RPRD2: variants seen among roughly 807,000 people sequenced by gnomAD.
RPRD2 encodes the protein regulation of nuclear pre-mRNA domain-containing protein 2.
A neutral mutation model predicts 104.4 loss-of-function variants in RPRD2; 12 were observed. That is an observed-to-expected ratio of 0.11 (90% confidence interval 0.07 to 0.19). RPRD2 has a LOEUF of 0.19. Ranked by LOEUF, RPRD2 falls within the 10% of genes least tolerant of loss-of-function variation. The pLI is 1.00. For synonymous variants in RPRD2, 714 were observed against 684.9 expected (o/e 1.04, Z -0.66); for missense variants, 1,543 against 1,790.1 (o/e 0.86, Z 2.49).
intron 10 of RPRD2, among the ~76,000 whole-genome samples, chr1:150,466,175 G>A (rs886379951): frequency 2.0e-5 from 3 of 151,616 alleles, no homozygotes; most frequent in Non-Finnish European, 4.4e-5. Context: ...TCAGGAGATC[G>A]ATACCATCCT....
chr1:150,443,780 C>T (rs138337282), intron 5 of RPRD2, among the ~76,000 whole-genome samples: 2,089 of 151,362 alleles, frequency 0.014, 53 homozygotes, highest in African/African-American at 0.048. Flanking sequence ...CCGAGGTGGG[C>T]GGATCACGAG....
rs200940944 is a variant in RPRD2 at position 150,395,148 on chromosome 1, AC to A, written c.206-22443del. Among the ~76,000 whole-genome samples, 256 of 151,442 alleles carry A rather than the reference AC, an allele frequency of 1.7e-3. 7 individuals are homozygous for A. In the East Asian group the frequency reaches 0.045, roughly 27 times the overall value. On this transcript the variant is annotated intron_variant, in intron 1 of 10. Coordinates refer to ENST00000369068, the MANE Select transcript of RPRD2 (RefSeq NM_015203.5). ...CCCAATTTGTGGTCTTTTATCCCTC[AC>A]CCCCTTCCCACTCTTTCCTCCTGAG...
chr1:150,392,164 C>T (rs587712640), intron 1 of RPRD2, among the ~76,000 whole-genome samples: 6 of 150,786 alleles, frequency 4.0e-5, no homozygotes, highest in South Asian at 2.1e-4. Flanking sequence ...CCAGCCTGGG[C>T]GACAGAGCAA....
intron 7 of RPRD2, among the ~76,000 whole-genome samples, chr1:150,456,445 C>A (rs1667529686): frequency 6.6e-6 from 1 of 151,942 alleles, no homozygotes; most frequent in Admixed American, 6.6e-5. Context: ...CAGCAATGTA[C>A]GTGATTAATA....
chr1:150,420,709 C>A (rs1358373649), intron 2 of RPRD2, among the ~76,000 whole-genome samples: 1 of 152,062 alleles, frequency 6.6e-6, no homozygotes, highest in Non-Finnish European at 1.5e-5. Flanking sequence ...ACCTGTAATC[C>A]CAGCTACTCG....
chr1:150,461,090 A>G (rs782740791), intron 9 of RPRD2, among the ~76,000 whole-genome samples: 5 of 152,064 alleles, frequency 3.3e-5, no homozygotes, highest in South Asian at 2.1e-4. Flanking sequence ...GAAAATAAGC[A>G]AAGAGAATGA....
At chr1:150,430,851 C>T (rs1009012062) in intron 2 of RPRD2, among the ~76,000 whole-genome samples, 38 of 151,910 alleles carry the variant, frequency 2.5e-4, no homozygotes, top group African/African-American at 8.7e-4. Flanking sequence ...TCGCTTGAAC[C>T]GAGAGGTGGA....
At chr1:150,394,029 T>TG (rs1553883700) in intron 1 of RPRD2, among the ~76,000 whole-genome samples, 1 of 152,076 alleles carries the variant, frequency 6.6e-6, no homozygotes, top group Non-Finnish European at 1.5e-5. Context: ...ATTAATGTTT[T>TG]TTGTTGTTGT....
At chr1:150,458,151 A>G (rs980889138) in intron 8 of RPRD2, among the ~76,000 whole-genome samples, 29 of 152,104 alleles carry the variant, frequency 1.9e-4, no homozygotes, top group African/African-American at 6.3e-4. Context: ...GAGATGTGCT[A>G]TAAGTATAAA....
At chr1:150,379,483 G>C (rs1553880299) in intron 1 of RPRD2, among the ~76,000 whole-genome samples, 1 of 151,404 alleles carries the variant, frequency 6.6e-6, no homozygotes, top group Non-Finnish European at 1.5e-5. Flanking sequence ...GCTCACTGCA[G>C]CCTCCGCCTC....
At chr1:150,446,426 A>T (rs1553895516) in intron 7 of RPRD2, 25 bp downstream of exon 7, 1 of 1,522,152 alleles carries the variant, frequency 6.6e-7, no homozygotes, top group South Asian at 1.2e-5. Context: ...AAGCTGTCTT[A>T]TACTGAATGC....
In RPRD2 at chr1:150,364,767, C is replaced by A; in HGVS notation, c.53C>A (p.Ser18Tyr). The A allele has an allele frequency of 6.2e-7, 1 of 1,608,672 alleles. No individual in the cohort carries two copies. The highest frequency in any genetic ancestry group is 2.2e-5 in the East Asian group (1 of 44,780). Reference protein sequence around the residue: ...GSSKASSSSASSAGALESSLD... With the variant: ...GSSKASSSSAYSAGALESSLD... ...AGTAAGGCCTCCTCCTCGTCGGCCT[C>A]TTCGGCAGGGGCTCTGGAGTCCTCG... The change falls in exon 1 of 11, where the codon TCT becomes TAT. Residue 18 changes from serine (S) to tyrosine (Y), a missense_variant. Ser to Tyr is a moderately radical substitution (Grantham distance 144). Coordinates refer to ENST00000369068, the MANE Select transcript of RPRD2 (RefSeq NM_015203.5).
At position 150,472,738 on chromosome 1, in the gene RPRD2, G is replaced by A. The variant is rs1394644667; in HGVS notation, c.3790G>A (p.Gly1264Arg). The A allele has an allele frequency of 6.2e-7, 1 of 1,613,130 alleles. No homozygotes were observed. The highest frequency in any genetic ancestry group is 1.1e-5 in the South Asian group (1 of 91,042). The change falls in exon 11 of 11, where the codon GGA (glycine) becomes AGA (arginine). Residue 1264 changes from glycine to arginine, a missense_variant. Around this residue, in one of 4 missense-constraint regions of RPRD2, gnomAD observed 880 missense variants for 885.6 expected, o/e 0.99. Transcript: ENST00000369068. The part of the protein sequence containing the change: ...APPPPPGEHS[G>R]IPFPTPPPPP... ...ACCCCCTCCTCCTGGAGAGCACAGT[G>A]GAATTCCTTTCCCTACCCCACCTCC...
At chr1:150,469,228 A>G (rs1668463039) in intron 10 of RPRD2, among the ~76,000 whole-genome samples, 1 of 152,228 alleles carries the variant, frequency 6.6e-6, no homozygotes, top group Non-Finnish European at 1.5e-5. Context: ...TAGTGTATTC[A>G]GTGACTAAAA....
rs200740470 is a variant in RPRD2 at position 150,471,077 on chromosome 1, G to A, written c.2129G>A (p.Arg710His). The A allele has an allele frequency of 5.5e-4, 885 of 1,613,832 alleles. 2 individuals carry two copies. The highest frequency in any genetic ancestry group is 6.9e-4 in the Non-Finnish European group (816 of 1,179,898). The change falls in exon 11 of 11, where the codon CGT (arginine) becomes CAT (histidine). Residue 710 changes from arginine (R) to histidine (H), a missense_variant. Arg to His is a conservative substitution (Grantham distance 29). Coordinates refer to ENST00000369068, the MANE Select transcript of RPRD2 (RefSeq NM_015203.5). The surrounding 1 kb of genome is among the most constrained non-coding windows in gnomAD (Gnocchi z 5.3). Reference sequence around the variant, plus strand: ...GAGAGCCATCCCTCAGACTTCCAGCGTGGCCCTACTAGCACCTCAATCGAC... The same window carrying A: ...GAGAGCCATCCCTCAGACTTCCAGCATGGCCCTACTAGCACCTCAATCGAC... ...PSESHPSDFQ[R>H]GPTSTSIDNI...
At chr1:150,462,776 C>T (rs1332041403) in intron 9 of RPRD2, among the ~76,000 whole-genome samples, 2 of 152,058 alleles carry the variant, frequency 1.3e-5, no homozygotes, top group South Asian at 2.1e-4. Context: ...AGGATGGTCT[C>T]GATCTCCTGA....
At chr1:150,432,705 T>C (rs1266221342) in intron 2 of RPRD2, among the ~76,000 whole-genome samples, 2 of 149,866 alleles carry the variant, frequency 1.3e-5, no homozygotes, top group African/African-American at 4.9e-5. Flanking sequence ...GAGCTGCGCA[T>C]GGTGGCTCAC....
At chr1:150,388,821 G>T (rs1553882685) in intron 1 of RPRD2, among the ~76,000 whole-genome samples, 1 of 151,786 alleles carries the variant, frequency 6.6e-6, no homozygotes, top group African/African-American at 2.4e-5. Flanking sequence ...TGGCCAGGCT[G>T]GTCTTGAACC....
intron 2 of RPRD2, among the ~76,000 whole-genome samples, chr1:150,419,897 G>A (rs1279394137): frequency 6.6e-6 from 1 of 152,118 alleles, no homozygotes; most frequent in Non-Finnish European, 1.5e-5. Flanking sequence ...CAAAGTGCTG[G>A]GATTACAGGA....
Sources: gnomAD v4.1 joint callset for allele counts (sites outside exome capture counted in the v4.1 genomes callset) on GRCh38, gnomAD v4.1.1 for gene constraint, gnomAD v4.1.1 regional missense constraint, Gnocchi (gnomAD v3.1) non-coding constraint, MANE v1.5 for transcripts, NCBI Gene and HGNC (gene_info 2026-07-23, HGNC 2026-07-21) for gene names.